ZSWIM6: variants seen among roughly 807,000 people sequenced by gnomAD.
ZSWIM6 encodes zinc finger SWIM domain-containing protein 6.
Under a neutral mutation model 113.2 loss-of-function variants are expected in ZSWIM6, and 9 were observed. That is an observed-to-expected ratio of 0.08 (90% CI 0.05 to 0.14). The LOEUF is 0.14. Among genes scored for constraint, ZSWIM6 ranks in the 10% least tolerant of loss-of-function variants. The probability of loss-of-function intolerance (pLI) is 1.00; values close to 1 mark genes in which losing one functional copy is unlikely to be tolerated. For missense variants in ZSWIM6, 1,162 were observed against 1,552.2 expected (o/e 0.75, Z 4.22); for synonymous variants, 611 against 606.5 (o/e 1.01, Z -0.11).
intron 1 of ZSWIM6, among the ~76,000 whole-genome samples, chr5:61,408,583 C>T (rs1746087213): frequency 6.6e-6 from 1 of 152,064 alleles, no homozygotes; most frequent in Non-Finnish European, 1.5e-5. Flanking sequence ...ATATTAAAAC[C>T]CTATGGGAGA....
intron 1 of ZSWIM6, among the ~76,000 whole-genome samples, chr5:61,361,221 G>T (rs1745027231): frequency 6.6e-6 from 1 of 152,042 alleles, no homozygotes. Context: ...TAATTATCCT[G>T]TGTGAGATTG....
At chr5:61,438,810 A>G (rs1307811656) in intron 1 of ZSWIM6, among the ~76,000 whole-genome samples, 1 of 152,134 alleles carries the variant, frequency 6.6e-6, no homozygotes, top group Non-Finnish European at 1.5e-5. Flanking sequence ...CTGATGGGGG[A>G]CTGTGAGGAG....
chr5:61,387,247 C>A (rs992106513), intron 1 of ZSWIM6, among the ~76,000 whole-genome samples: 8 of 152,212 alleles, frequency 5.3e-5, no homozygotes, highest in African/African-American at 1.4e-4. Flanking sequence ...ATATAAGTTG[C>A]CTGAAAACTA....
At chr5:61,520,380 C>T (rs1347093194) in intron 4 of ZSWIM6, among the ~76,000 whole-genome samples, 3 of 152,152 alleles carry the variant, frequency 2.0e-5, no homozygotes, top group African/African-American at 7.2e-5. Flanking sequence ...GAATTTTCTA[C>T]TTCTTCGAAG....
chr5:61,530,252 G>A, intron 8 of ZSWIM6, 54 bp downstream of exon 8: 1 of 1,470,832 alleles, frequency 6.8e-7, no homozygotes, highest in South Asian at 1.3e-5. Flanking sequence ...ACCCTGAATG[G>A]CAGTAGTCAT....
chr5:61,499,924 C>T (rs1218762560), intron 4 of ZSWIM6, among the ~76,000 whole-genome samples: 3 of 152,006 alleles, frequency 2.0e-5, no homozygotes, highest in Non-Finnish European at 4.4e-5. Context: ...TTTATTTAAT[C>T]CCTGAAACAA....
At chr5:61,409,147 A>T (rs1384635035) in intron 1 of ZSWIM6, among the ~76,000 whole-genome samples, 11 of 149,454 alleles carry the variant, frequency 7.4e-5, no homozygotes, top group Non-Finnish European at 1.6e-4. Context: ...TATTAAGTAT[A>T]AGCACAAAAT....
intron 1 of ZSWIM6, among the ~76,000 whole-genome samples, chr5:61,406,146 C>T (rs1210046958): frequency 6.6e-6 from 1 of 152,184 alleles, no homozygotes. Context: ...AACTTTATGT[C>T]TGCAGGTCTG....
intron 1 of ZSWIM6, among the ~76,000 whole-genome samples, chr5:61,400,082 G>C (rs1745913759): frequency 6.6e-6 from 1 of 152,152 alleles, no homozygotes; most frequent in African/African-American, 2.4e-5. Context: ...ATCTCCATTT[G>C]TCTGTGTTCA....
intron 1 of ZSWIM6, chr5:61,375,317 G>T: frequency 6.2e-7 from 1 of 1,606,650 alleles, no homozygotes; most frequent in Middle Eastern, 1.8e-4. Flanking sequence ...AATGAGAACT[G>T]GAAGAAAGAA....
At chr5:61,505,988 C>T (rs1377827280) in intron 4 of ZSWIM6, among the ~76,000 whole-genome samples, 5 of 151,784 alleles carry the variant, frequency 3.3e-5, no homozygotes, top group Non-Finnish European at 5.9e-5. Context: ...CCTCATGATC[C>T]ACCCACCTCG....
chr5:61,413,210 C>T (rs1374320202), intron 1 of ZSWIM6, among the ~76,000 whole-genome samples: 1 of 125,588 alleles, frequency 8.0e-6, no homozygotes, highest in Non-Finnish European at 1.6e-5. Context: ...GTGTGATGTT[C>T]CCCTTCCTGT....
intron 1 of ZSWIM6, among the ~76,000 whole-genome samples, chr5:61,437,193 C>T (rs148174560): frequency 6.6e-6 from 1 of 152,126 alleles, no homozygotes. Context: ...GGGTGGGTGA[C>T]AATGAACATG....
intron 1 of ZSWIM6, among the ~76,000 whole-genome samples, chr5:61,401,542 A>G (rs927834307): frequency 6.6e-6 from 1 of 152,148 alleles, no homozygotes; most frequent in Non-Finnish European, 1.5e-5. Context: ...TATGAGGTAT[A>G]TGAGATAGGT....
chr5:61,383,542 CT>C lies in ZSWIM6; in HGVS notation c.676+50605del, dbSNP rs532040423. On this transcript the variant is annotated intron_variant, in intron 1 of 13. Transcript: ENST00000252744. The stretch of plus-strand genomic sequence containing the variant: ...ACCTACTGATGTAGAAGAACTTTCT[CT>C]TTTTTTTTTTGAGACGGAATCTCGC... Among the ~76,000 whole-genome samples, 27 of 147,232 alleles carry C rather than the reference CT, an allele frequency of 1.8e-4. 1 individual carries two copies. Among genetic ancestry groups the C allele is most frequent in the East Asian group, 4.0e-4 (2 of 5,044 alleles).
intron 1 of ZSWIM6, among the ~76,000 whole-genome samples, chr5:61,364,518 C>T (rs1250772440): frequency 6.6e-6 from 1 of 152,012 alleles, no homozygotes; most frequent in African/African-American, 2.4e-5. Context: ...ATAAATAAAG[C>T]CTTATTGTAA....
intron 1 of ZSWIM6, among the ~76,000 whole-genome samples, chr5:61,350,878 A>G (rs1306524025): frequency 6.6e-6 from 1 of 152,208 alleles, no homozygotes; most frequent in Non-Finnish European, 1.5e-5. Flanking sequence ...AATACATGAA[A>G]GTATTTGAAT....
chr5:61,333,005 G>C (rs1225154941), intron 1 of ZSWIM6, 57 bp downstream of exon 1: 2 of 808,286 alleles, frequency 2.5e-6, no homozygotes, highest in East Asian at 5.3e-5. Flanking sequence ...TGGGTGGGGG[G>C]GGGGTGCCCG....
At chr5:61,388,874 T>A (rs529124987) in intron 1 of ZSWIM6, among the ~76,000 whole-genome samples, 18 of 152,342 alleles carry the variant, frequency 1.2e-4, no homozygotes, top group African/African-American at 3.8e-4. Flanking sequence ...ATTCGACAAT[T>A]TGATAAAATT....
Sources: allele counts gnomAD v4.1 joint callset (sites outside exome capture counted in the v4.1 genomes callset), GRCh38; gene constraint gnomAD v4.1.1; transcripts MANE v1.5; gene names NCBI Gene and HGNC (gene_info 2026-07-23, HGNC 2026-07-21).